Variants in ESRRG observed in about 807,000 individuals in gnomAD.
The protein encoded by ESRRG is estrogen-related receptor gamma.
A neutral mutation model predicts 44.0 loss-of-function variants in ESRRG; 13 were observed. The ratio of observed to expected loss-of-function variants is 0.30; its 90% confidence interval spans 0.19 to 0.47. ESRRG has a LOEUF of 0.47. ESRRG is among the 20% of genes least tolerant of loss of function. ESRRG has a pLI of 1.00. For missense variants in ESRRG, 395 were observed against 580.6 expected (o/e 0.68, Z 3.29); for synonymous variants, 215 against 214.6 (o/e 1.00, Z -0.02).
intron 1 of ESRRG, among the ~76,000 whole-genome samples, chr1:217,025,416 T>A (rs2081028313): frequency 6.6e-6 from 1 of 152,116 alleles, no homozygotes. Flanking sequence ...ACCTCTACAC[T>A]AAAGAAATAA....
At chr1:216,527,782 G>T (rs2048121609) in intron 5 of ESRRG, among the ~76,000 whole-genome samples, 1 of 152,072 alleles carries the variant, frequency 6.6e-6, no homozygotes, top group Non-Finnish European at 1.5e-5. Context: ...GCATCTAAGG[G>T]CACTTGTAAA....
At chr1:216,767,475 A>G (rs1285062138) in intron 2 of ESRRG, among the ~76,000 whole-genome samples, 1 of 152,154 alleles carries the variant, frequency 6.6e-6, no homozygotes, top group Admixed American at 6.6e-5. Context: ...TTTGGATAAC[A>G]AGATACTGAG....
intron 2 of ESRRG, among the ~76,000 whole-genome samples, chr1:216,676,569 A>T (rs1348021942): frequency 6.6e-6 from 1 of 152,166 alleles, no homozygotes; most frequent in Non-Finnish European, 1.5e-5. Context: ...AAAAATATAC[A>T]ATCTCAGGCA....
chr1:216,847,344 C>T (rs940088736), intron 2 of ESRRG, among the ~76,000 whole-genome samples: 2 of 152,084 alleles, frequency 1.3e-5, no homozygotes, highest in African/African-American at 2.4e-5. Context: ...TATATAGGGG[C>T]AGACAACCTA....
intron 5 of ESRRG, among the ~76,000 whole-genome samples, chr1:216,538,071 C>A (rs925517636): frequency 6.6e-6 from 1 of 152,026 alleles, no homozygotes; most frequent in Non-Finnish European, 1.5e-5. Context: ...CTAAGTATTT[C>A]TTTAATAACC....
chr1:216,980,746 T>A (rs1326768628), intron 1 of ESRRG, among the ~76,000 whole-genome samples: 2 of 152,150 alleles, frequency 1.3e-5, no homozygotes, highest in African/African-American at 2.4e-5. Context: ...TAAATGCATA[T>A]CCCACTGCAT....
At chr1:216,703,422 T>C (rs2081819225) in intron 1 of ESRRG, among the ~76,000 whole-genome samples, 1 of 152,220 alleles carries the variant, frequency 6.6e-6, no homozygotes, top group Non-Finnish European at 1.5e-5. Context: ...AAGGTTACCT[T>C]TAATTAAGTT....
At chr1:217,099,837 T>C (rs1019474433) in intron 1 of ESRRG, among the ~76,000 whole-genome samples, 1 of 152,128 alleles carries the variant, frequency 6.6e-6, no homozygotes, top group African/African-American at 2.4e-5. Context: ...AATTCAAACA[T>C]AAGCAGGGGT....
chr1:216,638,264 G>A (rs936258395), intron 3 of ESRRG, among the ~76,000 whole-genome samples: 41 of 152,250 alleles, frequency 2.7e-4, no homozygotes, highest in African/African-American at 8.9e-4. Flanking sequence ...ATCCTCTGAT[G>A]TATGTATAAT....
intron 2 of ESRRG, among the ~76,000 whole-genome samples, chr1:216,787,544 A>G (rs906284770): frequency 8.9e-5 from 13 of 145,686 alleles, no homozygotes; most frequent in Non-Finnish European, 1.6e-4. Context: ...CAGAGGTTGC[A>G]GTGAGAGAGA....
At chr1:217,066,188 A>G (rs2089630019) in intron 1 of ESRRG, among the ~76,000 whole-genome samples, 1 of 152,172 alleles carries the variant, frequency 6.6e-6, no homozygotes, top group African/African-American at 2.4e-5. Context: ...TTTTAAAGCA[A>G]ATATGTGGCT....
intron 6 of ESRRG, among the ~76,000 whole-genome samples, chr1:216,510,938 T>C (rs1042309465): frequency 6.6e-6 from 1 of 152,092 alleles, no homozygotes; most frequent in Non-Finnish European, 1.5e-5. Flanking sequence ...AATACCTAAG[T>C]CCTGCTTGGG....
intron 1 of ESRRG, among the ~76,000 whole-genome samples, chr1:217,079,031 T>G (rs1442584959): frequency 2.0e-5 from 3 of 152,302 alleles, no homozygotes; most frequent in Non-Finnish European, 2.9e-5. Flanking sequence ...TTCCACTGTT[T>G]AGCAGTGGAA....
chr1:216,999,949 G>C (rs2076818153), intron 1 of ESRRG, among the ~76,000 whole-genome samples: 1 of 152,126 alleles, frequency 6.6e-6, no homozygotes, highest in Non-Finnish European at 1.5e-5. Context: ...TTCTCAAACA[G>C]TATCTACTAT....
chr1:216,681,972 G>T (rs537938061), intron 1 of ESRRG: 41 of 152,274 alleles, frequency 2.7e-4, no homozygotes, highest in Middle Eastern at 3.4e-3. Flanking sequence ...GTTCAAAGTG[G>T]TCTGCATTTC....
At chr1:216,961,048 T>C (rs1231244365) in intron 1 of ESRRG, among the ~76,000 whole-genome samples, 1 of 152,104 alleles carries the variant, frequency 6.6e-6, no homozygotes, top group African/African-American at 2.4e-5. Flanking sequence ...TAAGACAATA[T>C]GATATTTATA....
At chr1:216,948,561 T>C (rs974471730) in intron 1 of ESRRG, among the ~76,000 whole-genome samples, 2 of 151,844 alleles carry the variant, frequency 1.3e-5, no homozygotes, top group African/African-American at 4.8e-5. Flanking sequence ...TAATGACTAT[T>C]AGCTAATATT....
chr1:216,779,967 C>T (rs988266810), intron 2 of ESRRG, among the ~76,000 whole-genome samples: 5 of 151,776 alleles, frequency 3.3e-5, no homozygotes, highest in Non-Finnish European at 7.4e-5. Flanking sequence ...ATGTTCTATA[C>T]ACCTAAGATA....
At chr1:216,892,807 G>A (rs887385294) in intron 2 of ESRRG, among the ~76,000 whole-genome samples, 8 of 152,070 alleles carry the variant, frequency 5.3e-5, no homozygotes, top group South Asian at 2.1e-4. Context: ...TTATTTAATC[G>A]TCCTCTCCAC....
Sources: allele counts gnomAD v4.1 joint callset (sites outside exome capture counted in the v4.1 genomes callset), GRCh38; gene constraint gnomAD v4.1.1; transcripts MANE v1.5; gene names NCBI Gene and HGNC (gene_info 2026-07-23, HGNC 2026-07-21).